Variants in IDH1 observed in about 807,000 individuals in gnomAD.
IDH1 encodes isocitrate dehydrogenase (NADP(+)) 1.
IDH1 carries 33 observed loss-of-function variants against 46.1 expected under a neutral mutation model. The observed-to-expected ratio is 0.72, with a 90% CI of 0.54 to 0.96. The LOEUF is 0.96. IDH1 is among the 40% of genes least tolerant of loss of function. The pLI is 0.00. For synonymous variants in IDH1, 144 were observed against 172.8 expected (o/e 0.83, Z 1.31); for missense variants, 421 against 515.7 (o/e 0.82, Z 1.78).
chr2:208,251,394 T>G (rs1574411381), intron 3 of IDH1, 36 bp downstream of exon 3: 1 of 1,610,644 alleles, frequency 6.2e-7, no homozygotes, highest in Non-Finnish European at 8.5e-7. Flanking sequence ...AGATTATCCT[T>G]TCTGAGTTTG....
intron 3 of IDH1, among the ~76,000 whole-genome samples, chr2:208,249,606 TGTTTA>T (rs1160044751): frequency 1.3e-5 from 2 of 152,216 alleles, no homozygotes; most frequent in African/African-American, 2.4e-5. Flanking sequence ...AATAATGTTT[TGTTTA>T]TTCTGTTCTC....
At chr2:208,254,487 T>G (rs936116961) in intron 1 of IDH1, 1 of 152,278 alleles carries the variant, frequency 6.6e-6, no homozygotes, top group African/African-American at 2.4e-5. Context: ...GCTTCAAGGC[T>G]ATTCCTCGCC....
Position 208,243,541 on chromosome 2 carries a change from C to G in IDH1, c.584G>C (p.Ser195Thr), listed in dbSNP as rs1212370067. 1 of 1,613,818 alleles carries G rather than the reference C, an allele frequency of 6.2e-7. No individual in the cohort carries two copies. Among genetic ancestry groups the G allele is most frequent in the Non-Finnish European group, 8.5e-7 (1 of 1,179,820 alleles). The stretch of plus-strand genomic sequence containing the variant: ...CTTAGACAGAGCCATTTGGAAGGAA[C>G]TGTGTGCAAAATCTTCAATTGACTT... Reference protein sequence around the residue: ...QDKSIEDFAHSSFQMALSKGW... With the variant: ...QDKSIEDFAHTSFQMALSKGW... Residue 195 changes from serine (S) to threonine (T), a missense_variant, in exon 6 of 10, where the codon AGT (serine) becomes ACT (threonine). Coordinates refer to ENST00000345146, the MANE Select transcript of IDH1 (RefSeq NM_005896.4).
intron 8 of IDH1, 65 bp from the exon 9 acceptor site, chr2:208,239,298 CAT>C (rs1687874792): frequency 6.6e-7 from 1 of 1,526,238 alleles, no homozygotes; most frequent in East Asian, 2.3e-5. Context: ...CCAAATGTCT[CAT>C]AGTTCCCCAA....
At position 208,240,117 on chromosome 2, in the gene IDH1, CAA is replaced by C. The variant is rs907526517; in HGVS notation, c.851-116_851-115del. ...GATAGGTCTTGGTAAGCAAAGTAAA[CAA>C]GAGCACATGGAATCACCAATAATTC... On this transcript the variant is annotated intron_variant, in intron 7 of 9. Transcript: ENST00000345146. 303 of 1,084,952 alleles carry C rather than the reference CAA, an allele frequency of 2.8e-4. 2 individuals carry two copies. In the Admixed American group the frequency reaches 5.8e-3, roughly 21 times the overall value. 67.2% of individuals were successfully genotyped at this position (1,084,952 alleles called of 1,614,324 possible).
intron 7 of IDH1, 83 bp downstream of exon 7, chr2:208,241,911 A>T: frequency 2.9e-6 from 4 of 1,390,728 alleles, no homozygotes; most frequent in Non-Finnish European, 3.1e-6. Flanking sequence ...TTTTACAACA[A>T]AGGACTACAA....
chr2:208,242,116 T>C lies in IDH1; in HGVS notation c.728A>G (p.Lys243Arg), dbSNP rs1165352490. The change falls in exon 7 of 10, where the codon AAG becomes AGG. Residue 243 changes from lysine to arginine, a missense_variant. Transcript: ENST00000345146. ...KQYKSQFEAQ[K>R]IWYEHRLIDD... is the part of the protein sequence containing the mutation. The stretch of plus-strand genomic sequence containing the variant: ...GATGAGCCTATGCTCATACCAGATC[T>C]TTTGAGCTTCAAACTGGGACTTGTA... 2 of 1,613,832 alleles carry C rather than the reference T, an allele frequency of 1.2e-6. No homozygotes were observed. The highest frequency in any genetic ancestry group is 1.7e-6 in the Non-Finnish European group (2 of 1,179,930).
Position 208,239,928 on chromosome 2 carries a change from T to C in IDH1, c.926A>G (p.His309Arg), listed in dbSNP as rs1161502711. ...GCGGTAGTGACGGGTTACAGTCCCG[T>C]GGGCAGCCTCTGCTTCTACTGTCTT... ...DGKTVEAEAA[H>R]GTVTRHYRMY... Residue 309 changes from histidine (H) to arginine (R), a missense_variant, in exon 8 of 10, where the codon CAC (histidine) becomes CGC (arginine). Physicochemically the swap from His to Arg is conservative, Grantham distance 29. Coordinates refer to ENST00000345146, the MANE Select transcript of IDH1 (RefSeq NM_005896.4). 5.6e-6 allele frequency: 9 copies of C among 1,614,172 alleles called. No individual in the cohort carries two copies. The highest frequency in any genetic ancestry group is 7.6e-6 in the Non-Finnish European group (9 of 1,180,004).
Position 208,248,468 on chromosome 2 carries a change from G to A in IDH1, c.315C>T (p.Gly105=), listed in dbSNP as rs11554137. The change falls in exon 4 of 10, where the codon GGC becomes GGT. Residue 105 remains glycine (G), a synonymous_variant. Transcript: ENST00000345146. ...AGATAATGGCTTCTCTGAAGACCGT[G>A]CCACCCAGAATATTTCGTATGGTGC... ...PNGTIRNILG[G]TVFREAIICK... The A allele has an allele frequency of 0.055, 89,009 of 1,613,868 alleles. 2,834 individuals carry two copies. Among genetic ancestry groups the A allele is most frequent in the African/African-American group, 0.11 (7,902 of 74,990 alleles).
At chr2:208,249,741 T>C (rs1688089041) in intron 3 of IDH1, among the ~76,000 whole-genome samples, 1 of 152,214 alleles carries the variant, frequency 6.6e-6, no homozygotes, top group African/African-American at 2.4e-5. Context: ...GATAGTAATC[T>C]TGACATATTT....
intron 2 of IDH1, among the ~76,000 whole-genome samples, chr2:208,252,158 C>G (rs1416015031): frequency 6.6e-6 from 1 of 152,220 alleles, no homozygotes; most frequent in Non-Finnish European, 1.5e-5. Flanking sequence ...TTCAGGGAAA[C>G]TTTAAGTCTA....
intron 5 of IDH1, among the ~76,000 whole-genome samples, chr2:208,244,686 G>T (rs1179809624): frequency 6.6e-6 from 1 of 152,172 alleles, no homozygotes; most frequent in Non-Finnish European, 1.5e-5. Context: ...GATATTATTT[G>T]GAAGAGGCAA....
At chr2:208,244,761 T>C (rs543637142) in intron 5 of IDH1, among the ~76,000 whole-genome samples, 7 of 152,302 alleles carry the variant, frequency 4.6e-5, no homozygotes, top group African/African-American at 9.6e-5. Flanking sequence ...ACAACTTCAA[T>C]AGTGAAGGAA....
At chr2:208,248,743 T>A in intron 3 of IDH1, 83 bp from the exon 4 acceptor site, 1 of 1,298,218 alleles carries the variant, frequency 7.7e-7, no homozygotes, top group South Asian at 1.2e-5. Flanking sequence ...CATATAGAGC[T>A]CATTATGCAG....
chr2:208,250,602 T>C (rs1369915847), intron 3 of IDH1, among the ~76,000 whole-genome samples: 1 of 152,128 alleles, frequency 6.6e-6, no homozygotes, highest in Non-Finnish European at 1.5e-5. Flanking sequence ...ACTTTACCCT[T>C]TTAAAAATTC....
chr2:208,238,430 C>A (rs983302681), intron 9 of IDH1, among the ~76,000 whole-genome samples: 3 of 152,190 alleles, frequency 2.0e-5, no homozygotes, highest in Admixed American at 6.5e-5. Flanking sequence ...GGGACCTCTG[C>A]AGATGCACTG....
intron 5 of IDH1, among the ~76,000 whole-genome samples, chr2:208,244,013 G>T (rs183995491): frequency 6.6e-6 from 1 of 152,314 alleles, no homozygotes; most frequent in East Asian, 1.9e-4. Flanking sequence ...AGTGTTGGAG[G>T]TGGGGCCCAG....
intron 9 of IDH1, 35 bp from the exon 10 acceptor site, chr2:208,237,204 G>T (rs1269927879): frequency 1.8e-6 from 2 of 1,135,838 alleles, no homozygotes; most frequent in Non-Finnish European, 2.7e-6. Context: ...AAATTTAGTT[G>T]GTCTCTGATA....
chr2:208,238,973 G>A, intron 9 of IDH1, 98 bp downstream of exon 9: 1 of 1,103,018 alleles, frequency 9.1e-7, no homozygotes, highest in Admixed American at 1.7e-5. Context: ...ACTAGATGAT[G>A]AATAACAATT....
Sources: gnomAD v4.1 joint callset for allele counts (sites outside exome capture counted in the v4.1 genomes callset) on GRCh38, gnomAD v4.1.1 for gene constraint, MANE v1.5 for transcripts, NCBI Gene and HGNC (gene_info 2026-07-23, HGNC 2026-07-21) for gene names.